The following PTGER3 variants were observed in gnomAD, a reference collection of about 807,000 sequenced individuals.
PTGER3 encodes the protein prostaglandin E receptor 3.
Under a neutral mutation model 34.7 loss-of-function variants are expected in PTGER3, and 22 were observed. That is an observed-to-expected ratio of 0.63 (90% CI 0.45 to 0.91). The LOEUF is 0.91. Ranked by LOEUF, PTGER3 falls within the 40% of genes least tolerant of loss-of-function variation. PTGER3 has a pLI of 0.00. For synonymous variants in PTGER3, 241 were observed against 230.1 expected, an observed-to-expected ratio of 1.05 and a Z score of -0.43; for missense variants, 468 against 519.4, an observed-to-expected ratio of 0.90 and a Z score of 0.96.
At chr1:71,016,376 A>G (rs1397529543) in intron 1 of PTGER3, among the ~76,000 whole-genome samples, 3 of 152,212 alleles carry the variant, frequency 2.0e-5, no homozygotes, top group Non-Finnish European at 2.9e-5. Flanking sequence ...AAGTGAAAAA[A>G]CAGAATATAA....
chr1:71,021,457 G>T (rs994158049), intron 1 of PTGER3, among the ~76,000 whole-genome samples: 1 of 152,068 alleles, frequency 6.6e-6, no homozygotes, highest in African/African-American at 2.4e-5. Context: ...TCTATCAAAG[G>T]ATTCATTTCT....
chr1:71,046,664 A>G lies in PTGER3; in HGVS notation c.897+17T>C, dbSNP rs768522767. On this transcript the variant is annotated intron_variant, in intron 1 of 3. Transcript: ENST00000306666. ...CGCACACGCATCCTGACTTCCCCCA[A>G]CCCTGGAACTACCTACCAGGAGCGG... The G allele has an allele frequency of 6.5e-7, 1 of 1,527,660 alleles. No homozygotes were observed. The allele number at this position is 1,527,660 out of a possible 1,614,324, so 94.6% of individuals were successfully genotyped here.
chr1:70,992,186 C>T (rs1172552225), intron 2 of PTGER3, among the ~76,000 whole-genome samples: 1 of 152,140 alleles, frequency 6.6e-6, no homozygotes, highest in African/African-American at 2.4e-5. Context: ...TCCAGAATCC[C>T]TGCTCTTTAT....
At chr1:70,885,067 G>A (rs1646468649) in intron 4 of PTGER3, among the ~76,000 whole-genome samples, 1 of 152,150 alleles carries the variant, frequency 6.6e-6, no homozygotes, top group African/African-American at 2.4e-5. Flanking sequence ...GAAAATGCAA[G>A]AGCCAAAATT....
In PTGER3 at chr1:71,047,332, G is replaced by C. The variant is rs974897492; in HGVS notation, c.246C>G (p.Ser82Arg). Residue 82 changes from serine (S) to arginine (R), a missense_variant, in exon 1 of 4, where the codon AGC becomes AGG. Physicochemically the swap from Ser to Arg is moderately radical, Grantham distance 110. Around this residue, in one of 5 missense-constraint regions of PTGER3, gnomAD observed 151 missense variants for 133.5 expected, o/e 1.13. Coordinates refer to ENST00000306666, the MANE Select transcript of PTGER3 (RefSeq NM_198719.2). ...LVSRSYRRRE[S>R]KRKKSFLLCI... ...ACAGCAGGAAGGACTTCTTGCGCTT[G>C]CTCTCCCGGCGCCGGTAGCTGCGCG... 90 of 1,606,918 alleles carry C rather than the reference G, an allele frequency of 5.6e-5. No individual in the cohort carries two copies. Among genetic ancestry groups the C allele is most frequent in the Non-Finnish European group, 7.3e-5 (86 of 1,177,478 alleles).
exon 4 of PTGER3, chr1:70,952,919 T>C: frequency 6.2e-7 from 1 of 1,609,270 alleles, no homozygotes; most frequent in Non-Finnish European, 8.5e-7. Flanking sequence ...ATTCTGTCTT[T>C]ACTGTTGAGA....
downstream of PTGER3, among the ~76,000 whole-genome samples, chr1:70,949,458 G>C (rs972325650): frequency 6.6e-6 from 1 of 152,180 alleles, no homozygotes; most frequent in African/African-American, 2.4e-5. Flanking sequence ...AGCAAGTTTA[G>C]CCTTGGAGTC....
In PTGER3 at chr1:71,014,231, A is replaced by T. The variant is rs540986137; in HGVS notation, c.898-1747T>A. 4.9e-4 allele frequency among the ~76,000 whole-genome samples: 75 copies of T among 152,204 alleles called. No homozygotes were observed. In the East Asian group the frequency reaches 0.011, roughly 22 times the overall value. On this transcript the variant is annotated intron_variant, in intron 1 of 3. Coordinates refer to ENST00000306666, the MANE Select transcript of PTGER3 (RefSeq NM_198719.2). Reference sequence around the variant, plus strand: ...GTTCTGCCCTCAGGTCACATAACTTAAATTGAATTCAACATCCCTGAGCAT... The same window carrying T: ...GTTCTGCCCTCAGGTCACATAACTTTAATTGAATTCAACATCCCTGAGCAT...
At chr1:71,044,474 A>G (rs1364082648) in intron 1 of PTGER3, among the ~76,000 whole-genome samples, 1 of 151,222 alleles carries the variant, frequency 6.6e-6, no homozygotes, top group Non-Finnish European at 1.5e-5. Flanking sequence ...TGATATGATC[A>G]CATGTTTAAT....
downstream of PTGER3, among the ~76,000 whole-genome samples, chr1:70,965,808 G>A (rs1652456660): frequency 6.6e-6 from 1 of 152,098 alleles, no homozygotes; most frequent in Non-Finnish European, 1.5e-5. Flanking sequence ...GGTTTAGCGT[G>A]TATTTTCTTC....
intron 4 of PTGER3, among the ~76,000 whole-genome samples, chr1:70,868,947 C>T (rs1391814767): frequency 1.3e-5 from 2 of 152,222 alleles, no homozygotes; most frequent in Middle Eastern, 3.4e-3. Flanking sequence ...TGTATTAGGC[C>T]GTTCATGGTT....
chr1:70,988,697 T>A (rs1449845603), intron 2 of PTGER3, among the ~76,000 whole-genome samples: 2 of 152,206 alleles, frequency 1.3e-5, no homozygotes, highest in African/African-American at 4.8e-5. Context: ...AGAATTTACA[T>A]AAATAGGAAA....
rs547888108 is a variant in PTGER3 at position 70,993,709 on chromosome 1, C to A, written c.1077+18596G>T. 1.9e-3 allele frequency among the ~76,000 whole-genome samples: 294 copies of A among 152,242 alleles called. 1 individual carries two copies. The highest frequency in any genetic ancestry group is 2.6e-3 in the Non-Finnish European group (180 of 68,030). ...CTTTGCTCCTCGAGGGCATTTGCAT[C>A]CCCACTGTGGTTAAGTATAGTAATA... On this transcript the variant is annotated intron_variant, in intron 2 of 3. Coordinates refer to ENST00000306666, the MANE Select transcript of PTGER3 (RefSeq NM_198719.2).
At chr1:71,034,496 C>A (rs956186615) in intron 1 of PTGER3, among the ~76,000 whole-genome samples, 3 of 152,132 alleles carry the variant, frequency 2.0e-5, no homozygotes, top group African/African-American at 7.2e-5. Context: ...GTTTACATTG[C>A]TAATATAATT....
rs895246490 is a variant in PTGER3, at chr1:70,987,249, G to A, written c.1078-12861C>T. ...ATGGAAACAATGTCAAATAAGAACA[G>A]CCATTCTAATTCCAAACAAGTTAAG... On this transcript the variant is annotated intron_variant, in intron 2 of 3. Coordinates refer to ENST00000306666, the MANE Select transcript of PTGER3 (RefSeq NM_198719.2). 4.8e-4 allele frequency among the ~76,000 whole-genome samples: 73 copies of A among 152,272 alleles called. 1 individual carries two copies. Among genetic ancestry groups the A allele is most frequent in the African/African-American group, 1.7e-3 (69 of 41,540 alleles).
intron 4 of PTGER3, among the ~76,000 whole-genome samples, chr1:70,871,796 T>A (rs933351151): frequency 6.6e-6 from 1 of 152,210 alleles, no homozygotes; most frequent in African/African-American, 2.4e-5. Flanking sequence ...AATTTTTTTT[T>A]AATCTTAGGG....
intron 4 of PTGER3, among the ~76,000 whole-genome samples, chr1:70,857,190 G>T (rs907896887): frequency 6.6e-6 from 1 of 152,142 alleles, no homozygotes; most frequent in Non-Finnish European, 1.5e-5. Context: ...TCTCTAAGGG[G>T]TTTCTTTAGC....
intron 2 of PTGER3, among the ~76,000 whole-genome samples, chr1:70,962,586 C>A (rs774934252): frequency 2.6e-5 from 4 of 152,116 alleles, no homozygotes; most frequent in African/African-American, 9.7e-5. Flanking sequence ...TCTTACATGG[C>A]GGCAGGCCAA....
intron 4 of PTGER3, among the ~76,000 whole-genome samples, chr1:70,888,969 GT>G (rs112067027): frequency 0.049 from 7,420 of 152,144 alleles, 426 homozygotes; most frequent in East Asian, 0.22. Context: ...AGTGTAGTAG[GT>G]TTTTTAGAAA....
Sources: allele counts gnomAD v4.1 joint callset (sites outside exome capture counted in the v4.1 genomes callset), GRCh38; gene constraint gnomAD v4.1.1; regional missense constraint gnomAD v4.1.1; transcripts MANE v1.5; gene names NCBI Gene and HGNC (gene_info 2026-07-23, HGNC 2026-07-21).